MTUS2: variants seen among roughly 807,000 people sequenced by gnomAD.
The protein encoded by MTUS2 is microtubule-associated tumor suppressor candidate 2.
Under a neutral mutation model 114.1 loss-of-function variants are expected in MTUS2, and 40 were observed. That is an observed-to-expected ratio of 0.35 (90% CI 0.27 to 0.46). The LOEUF is 0.46. Among genes scored for constraint, MTUS2 ranks in the 20% least tolerant of loss-of-function variants. The pLI is 1.00. For missense variants in MTUS2, 1,679 were observed against 1,705.4 expected (o/e 0.98, Z 0.27); for synonymous variants, 688 against 672.0 (o/e 1.02, Z -0.37).
intron 5 of MTUS2, among the ~76,000 whole-genome samples, chr13:29,151,892 G>A (rs1892676061): frequency 6.6e-6 from 1 of 152,136 alleles, no homozygotes; most frequent in Non-Finnish European, 1.5e-5. Context: ...ACTCTTGATG[G>A]TGGTTAATTA....
At chr13:29,287,500 A>ATGTGTGTGTG (rs11395718) in intron 6 of MTUS2, among the ~76,000 whole-genome samples, 34,543 of 151,706 alleles carry the variant, frequency 0.23, 4,069 homozygotes, top group African/African-American at 0.3. Context: ...ATCACTCTGT[A>ATGTGTGTGTG]TGTGTGTGGT....
chr13:29,188,128 A>G (rs1413956910), intron 5 of MTUS2, among the ~76,000 whole-genome samples: 2 of 152,168 alleles, frequency 1.3e-5, no homozygotes, highest in Admixed American at 6.5e-5. Context: ...AATTTTATCA[A>G]ACACCTTGGT....
intron 5 of MTUS2, among the ~76,000 whole-genome samples, chr13:29,137,363 C>T (rs1014100750): frequency 5.3e-5 from 8 of 152,066 alleles, no homozygotes; most frequent in Admixed American, 3.3e-4. Context: ...CATCCTATCT[C>T]CCTGCTTCTT....
intron 5 of MTUS2, among the ~76,000 whole-genome samples, chr13:29,146,686 A>G (rs1593527004): frequency 6.6e-6 from 1 of 152,248 alleles, no homozygotes; most frequent in Admixed American, 6.5e-5. Context: ...CTATGCAAAT[A>G]TGACTAAATG....
intron 5 of MTUS2, among the ~76,000 whole-genome samples, chr13:29,277,070 G>A (rs913324687): frequency 1.3e-5 from 2 of 152,038 alleles, no homozygotes; most frequent in African/African-American, 4.8e-5. Context: ...TTACATTTCT[G>A]CATGTCTTCT....
intron 8 of MTUS2, among the ~76,000 whole-genome samples, chr13:29,428,414 G>T (rs1876712630): frequency 6.6e-6 from 1 of 152,264 alleles, no homozygotes; most frequent in East Asian, 1.9e-4. Flanking sequence ...TCTGCGCGGT[G>T]CGGAGGCGCA....
chr13:29,140,601 T>C (rs1335402823), intron 5 of MTUS2, among the ~76,000 whole-genome samples: 2 of 152,232 alleles, frequency 1.3e-5, no homozygotes, highest in African/African-American at 4.8e-5. Flanking sequence ...GTATGAGGGC[T>C]TACTGGCCTG....
chr13:28,979,208 A>G (rs1485350563), intron 2 of MTUS2, among the ~76,000 whole-genome samples: 4 of 152,230 alleles, frequency 2.6e-5, no homozygotes, highest in African/African-American at 9.6e-5. Context: ...GGACTTAAAC[A>G]AAACTCTTTG....
At chr13:29,208,211 T>C (rs1346564816) in intron 5 of MTUS2, among the ~76,000 whole-genome samples, 1 of 152,148 alleles carries the variant, frequency 6.6e-6, no homozygotes, top group Admixed American at 6.5e-5. Context: ...TTCTACTTTG[T>C]GCATGTAAAG....
chr13:29,342,695 G>A (rs1338976206), intron 7 of MTUS2, among the ~76,000 whole-genome samples: 2 of 152,112 alleles, frequency 1.3e-5, no homozygotes, highest in East Asian at 3.9e-4. Flanking sequence ...CTAGTACTAT[G>A]TTGAATAGAA....
At chr13:29,006,001 C>G (rs1165031911) in intron 2 of MTUS2, among the ~76,000 whole-genome samples, 2 of 152,220 alleles carry the variant, frequency 1.3e-5, no homozygotes, top group Non-Finnish European at 2.9e-5. Flanking sequence ...AGATGCAGTT[C>G]TGACTCAGAC....
At chr13:29,039,486 G>A (rs952674285) in intron 4 of MTUS2, among the ~76,000 whole-genome samples, 2 of 152,192 alleles carry the variant, frequency 1.3e-5, no homozygotes, top group Non-Finnish European at 2.9e-5. Context: ...GCGGGGGAGG[G>A]CAGCACCCAG....
At chr13:29,386,353 G>C (rs1333156492) in intron 8 of MTUS2, among the ~76,000 whole-genome samples, 1 of 152,218 alleles carries the variant, frequency 6.6e-6, no homozygotes, top group Admixed American at 6.5e-5. Flanking sequence ...ACATTTCTAA[G>C]AGGAGACATC....
chr13:29,033,282 G>C (rs534514104), intron 3 of MTUS2, among the ~76,000 whole-genome samples: 4 of 152,184 alleles, frequency 2.6e-5, no homozygotes, highest in African/African-American at 9.7e-5. Flanking sequence ...GACCAGAGGA[G>C]ATAACTCAGG....
At chr13:29,086,225 G>T (rs752802983) in intron 4 of MTUS2, among the ~76,000 whole-genome samples, 16 of 152,132 alleles carry the variant, frequency 1.1e-4, no homozygotes, top group Non-Finnish European at 2.1e-4. Flanking sequence ...CTCCCATTCT[G>T]TAGGTTTTCT....
intron 5 of MTUS2, among the ~76,000 whole-genome samples, chr13:29,151,107 C>T (rs1210955920): frequency 1.3e-5 from 2 of 152,064 alleles, no homozygotes; most frequent in Non-Finnish European, 2.9e-5. Flanking sequence ...ATAACAATAG[C>T]ATTGAATCTA....
chr13:29,165,572 C>T (rs917246173), intron 5 of MTUS2, among the ~76,000 whole-genome samples: 1 of 152,194 alleles, frequency 6.6e-6, no homozygotes, highest in Non-Finnish European at 1.5e-5. Context: ...GCCAGTCCTT[C>T]TTTAATGGCT....
intron 5 of MTUS2, among the ~76,000 whole-genome samples, chr13:29,165,443 A>G (rs528800161): frequency 2.0e-4 from 31 of 152,246 alleles, no homozygotes; most frequent in Admixed American, 4.6e-4. Flanking sequence ...CTTGACCTCT[A>G]TGTAGCCCAT....
intron 4 of MTUS2, among the ~76,000 whole-genome samples, chr13:29,036,640 C>CT (rs1156382867): frequency 2.0e-5 from 3 of 152,178 alleles, no homozygotes; most frequent in Admixed American, 6.5e-5. Context: ...GTGTGGGAGT[C>CT]TAAGTCTCTT....
Sources: allele counts gnomAD v4.1 joint callset (sites outside exome capture counted in the v4.1 genomes callset), GRCh38; gene constraint gnomAD v4.1.1; transcripts MANE v1.5; gene names NCBI Gene and HGNC (gene_info 2026-07-23, HGNC 2026-07-21).